Variants in DECR1 observed in about 807,000 individuals in gnomAD.
DECR1 encodes 2,4-dienoyl-CoA reductase 1, also known as 2,4-dienoyl-CoA reductase [(3E)-enoyl-CoA-producing], mitochondrial.
A neutral mutation model predicts 38.8 loss-of-function variants in DECR1; 44 were observed. That is an observed-to-expected ratio of 1.13 (90% CI 0.89 to 1.46). The LOEUF is 1.46. Among genes scored for constraint, DECR1 ranks in the 40% most tolerant of loss-of-function variants. DECR1 has a pLI of 0.00. For synonymous variants in DECR1, 148 were observed against 135.2 expected, an observed-to-expected ratio of 1.09 and a Z score of -0.66; for missense variants, 428 against 405.5, an observed-to-expected ratio of 1.06 and a Z score of -0.48.
At chr8:90,048,553 T>C (rs778146071) in intron 8 of DECR1, among the ~76,000 whole-genome samples, 2 of 152,004 alleles carry the variant, frequency 1.3e-5, no homozygotes, top group Non-Finnish European at 2.9e-5. Flanking sequence ...AAAAGCCTAC[T>C]AACCAAAAAA....
chr8:90,007,756 G>T (rs1284863393), intron 1 of DECR1, among the ~76,000 whole-genome samples: 1 of 152,170 alleles, frequency 6.6e-6, no homozygotes, highest in Non-Finnish European at 1.5e-5. Context: ...GTTTCTTACA[G>T]CCCATGGTAG....
At chr8:90,018,774 C>A (rs2130051793) in intron 2 of DECR1, 135 bp from the exon 3 acceptor site, 2 of 700,310 alleles carry the variant, frequency 2.9e-6, no homozygotes, top group Admixed American at 2.8e-5. Context: ...AGAAAAAATT[C>A]ACATTGATTT....
chr8:90,019,827 A>G (rs1049353602), intron 4 of DECR1, among the ~76,000 whole-genome samples: 2 of 152,240 alleles, frequency 1.3e-5, no homozygotes, highest in Admixed American at 6.5e-5. Flanking sequence ...GAGTAGGAAG[A>G]CTGCTACACA....
intron 1 of DECR1, among the ~76,000 whole-genome samples, chr8:90,011,465 A>G (rs1051424361): frequency 1.8e-4 from 28 of 152,160 alleles, no homozygotes; most frequent in African/African-American, 6.5e-4. Flanking sequence ...ATTTTAGGAT[A>G]AGCTTGTCGA....
chr8:90,044,765 C>T, intron 7 of DECR1, 84 bp from the exon 8 acceptor site: 6 of 1,418,450 alleles, frequency 4.2e-6, no homozygotes, highest in Non-Finnish European at 5.7e-6. Context: ...TGGCAGCATG[C>T]CATTTTATAC....
chr8:90,001,686 G>A, intron 1 of DECR1, 125 bp downstream of exon 1: 2 of 830,186 alleles, frequency 2.4e-6, no homozygotes, highest in South Asian at 3.5e-5. Context: ...AGAGAGGACA[G>A]GGCGTCCCGG....
chr8:90,017,357 C>T (rs773584573), intron 2 of DECR1, 31 bp downstream of exon 2: 21 of 1,579,596 alleles, frequency 1.3e-5, no homozygotes, highest in African/African-American at 4.1e-5. Flanking sequence ...CTATTGGCGA[C>T]GCTTTTGAAG....
intron 5 of DECR1, among the ~76,000 whole-genome samples, chr8:90,024,365 C>T (rs1488974128): frequency 1.3e-5 from 2 of 152,208 alleles, no homozygotes; most frequent in Non-Finnish European, 2.9e-5. Context: ...TTTTCCACAT[C>T]CTCTCCAGCA....
At chr8:90,007,604 T>G (rs536743264) in intron 1 of DECR1, among the ~76,000 whole-genome samples, 36 of 152,200 alleles carry the variant, frequency 2.4e-4, no homozygotes, top group African/African-American at 8.4e-4. Flanking sequence ...TAAGGATGCA[T>G]TTGAAGAAAT....
chr8:90,046,106 A>C (rs145739420), intron 8 of DECR1, among the ~76,000 whole-genome samples: 65 of 152,366 alleles, frequency 4.3e-4, no homozygotes, highest in African/African-American at 1.5e-3. Context: ...AAAGCTGAAA[A>C]TTCTGAAATT....
intron 4 of DECR1, among the ~76,000 whole-genome samples, chr8:90,020,565 C>A (rs1813128384): frequency 6.6e-6 from 1 of 151,982 alleles, no homozygotes; most frequent in Non-Finnish European, 1.5e-5. Context: ...ATTTTTAAAA[C>A]AAAATTTTTG....
chr8:90,016,058 A>G (rs546095002), intron 1 of DECR1, among the ~76,000 whole-genome samples: 1 of 152,336 alleles, frequency 6.6e-6, no homozygotes, highest in South Asian at 2.1e-4. Context: ...AGAGAATGGC[A>G]GTGATGTTCG....
chr8:90,034,145 A>T (rs1256517226), intron 5 of DECR1, among the ~76,000 whole-genome samples: 1 of 152,094 alleles, frequency 6.6e-6, no homozygotes, highest in African/African-American at 2.4e-5. Context: ...GTTTCCCAGG[A>T]TGTGCTGAGT....
chr8:90,013,262 G>A (rs935234642), intron 1 of DECR1, among the ~76,000 whole-genome samples: 4 of 152,078 alleles, frequency 2.6e-5, no homozygotes, highest in Admixed American at 6.6e-5. Flanking sequence ...GACTATTATT[G>A]TATGAGTTTT....
At chr8:90,036,500 A>T (rs1253926787) in intron 5 of DECR1, among the ~76,000 whole-genome samples, 1 of 152,188 alleles carries the variant, frequency 6.6e-6, no homozygotes, top group Non-Finnish European at 1.5e-5. Flanking sequence ...ATTCTGATTT[A>T]TTCTTATTCA....
At chr8:90,019,227 C>A in intron 4 of DECR1, 55 bp downstream of exon 4, 1 of 1,342,708 alleles carries the variant, frequency 7.4e-7, no homozygotes, top group South Asian at 1.2e-5. Flanking sequence ...TGATAACACC[C>A]ACCAACATGT....
At chr8:90,041,705 A>G (rs186790571) in intron 6 of DECR1, among the ~76,000 whole-genome samples, 27 of 152,168 alleles carry the variant, frequency 1.8e-4, no homozygotes, top group Admixed American at 6.5e-5. Context: ...CCTTTTTTGT[A>G]TAGAGTCATG....
At chr8:90,017,639 A>G (rs886887971) in intron 2 of DECR1, among the ~76,000 whole-genome samples, 2 of 152,180 alleles carry the variant, frequency 1.3e-5, no homozygotes, top group Admixed American at 6.5e-5. Flanking sequence ...AAAGTACGAC[A>G]TGGAGCCAGG....
intron 1 of DECR1, among the ~76,000 whole-genome samples, chr8:90,012,121 A>C (rs1030828876): frequency 2.7e-5 from 4 of 150,438 alleles, no homozygotes; most frequent in African/African-American, 9.8e-5. Context: ...GTAACTCAGT[A>C]CTTGTATAGA....
Sources: allele counts gnomAD v4.1 joint callset (sites outside exome capture counted in the v4.1 genomes callset), GRCh38; gene constraint gnomAD v4.1.1; transcripts MANE v1.5; gene names NCBI Gene and HGNC (gene_info 2026-07-23, HGNC 2026-07-21).